FRMD3: variants seen among roughly 807,000 people sequenced by gnomAD.
FRMD3 encodes FERM domain-containing protein 3.
Under a neutral mutation model 70.2 loss-of-function variants are expected in FRMD3, and 33 were observed. The observed-to-expected ratio is 0.47, with a 90% CI of 0.36 to 0.63. The LOEUF (loss-of-function observed/expected upper bound fraction) is 0.63, where lower values mean the gene tolerates loss of function less well. FRMD3 is among the 20% of genes least tolerant of loss of function. FRMD3 has a pLI of 0.00. For missense variants in FRMD3, 632 were observed against 711.4 expected, an observed-to-expected ratio of 0.89 and a Z score of 1.27; for synonymous variants, 279 against 255.9, an observed-to-expected ratio of 1.09 and a Z score of -0.86.
chr9:83,567,396 T>C, the FRMD3 span, among the ~76,000 whole-genome samples: 3 of 152,208 alleles, frequency 2.0e-5, no homozygotes, highest in Non-Finnish European at 4.4e-5. Context: ...TTCTCTGACA[T>C]GGCCCAAAGA....
intron 1 of FRMD3, among the ~76,000 whole-genome samples, chr9:83,438,937 A>G (rs1472391156): frequency 6.6e-6 from 1 of 152,212 alleles, no homozygotes; most frequent in Non-Finnish European, 1.5e-5. Context: ...CTCCAGAGAA[A>G]GAAAACCCTT....
In FRMD3 at chr9:83,368,800, T is replaced by C. The variant is rs558688600; in HGVS notation, c.295+4113A>G. The stretch of plus-strand genomic sequence containing the variant: ...AATGGCTAAAAGCTCCTTGACTAGA[T>C]ATTTATCACCAAGGAAATTTAAAAT... On this transcript the variant is annotated intron_variant, in intron 3 of 13. Transcript: ENST00000304195. Among the ~76,000 whole-genome samples the C allele has an allele frequency of 9.2e-5, 14 of 152,320 alleles. No individual in the cohort carries two copies. The South Asian group carries it at 2.1e-3, about 23-fold the overall frequency.
chr9:83,409,098 G>A (rs1241327915), intron 1 of FRMD3, among the ~76,000 whole-genome samples: 2 of 152,254 alleles, frequency 1.3e-5, no homozygotes, highest in East Asian at 1.9e-4. Context: ...GGAAAGCAAA[G>A]GTTGTCCATC....
chr9:83,261,333 C>G (rs936586520), intron 13 of FRMD3, among the ~76,000 whole-genome samples: 4 of 152,160 alleles, frequency 2.6e-5, no homozygotes, highest in African/African-American at 9.7e-5. Flanking sequence ...CATTTGCCAG[C>G]CTCTTGGTTA....
Position 83,538,045 on chromosome 9 carries a change from C to T in FRMD3, c.147+40G>A, listed in dbSNP as rs1462708801. ...ACCGCAAAGGCCCCCCGCCCTGCTC[C>T]CGGCGTGTGCCCCGCGCCCTCGCCC... On this transcript the variant is annotated intron_variant, in intron 1 of 13. Transcript: ENST00000304195. This position sits in a 1 kb window ranked among gnomAD's most constrained non-coding sequence, Gnocchi z 4.7. The T allele has an allele frequency of 8.1e-6, 13 of 1,601,292 alleles. No homozygotes were observed. The Admixed American group carries it at 1.9e-4, about 23-fold the overall frequency.
At chr9:83,317,459 C>T (rs1020363367) in intron 6 of FRMD3, among the ~76,000 whole-genome samples, 8 of 152,168 alleles carry the variant, frequency 5.3e-5, no homozygotes, top group African/African-American at 1.9e-4. Context: ...GAAAGGCCCT[C>T]ATTCTACCAC....
At chr9:83,566,309 G>A in the FRMD3 span, among the ~76,000 whole-genome samples, 4 of 152,126 alleles carry the variant, frequency 2.6e-5, no homozygotes, top group African/African-American at 9.7e-5. Context: ...AATGCCCATG[G>A]TTCAATTACC....
the FRMD3 span, among the ~76,000 whole-genome samples, chr9:83,575,808 A>G: frequency 6.6e-6 from 1 of 152,194 alleles, no homozygotes; most frequent in Non-Finnish European, 1.5e-5. Flanking sequence ...TTCGTTGATG[A>G]ATTCCTTCAA....
chr9:83,359,858 C>A (rs933465091), intron 3 of FRMD3, among the ~76,000 whole-genome samples: 1 of 152,178 alleles, frequency 6.6e-6, no homozygotes, highest in African/African-American at 2.4e-5. Flanking sequence ...GACATGAGTT[C>A]ATGACTGCAA....
intron 6 of FRMD3, among the ~76,000 whole-genome samples, chr9:83,321,085 A>C (rs1486608749): frequency 6.6e-6 from 1 of 152,034 alleles, no homozygotes; most frequent in African/African-American, 2.4e-5. Context: ...TTTCTTGGTT[A>C]GTCTAGATAA....
chr9:83,295,766 C>T (rs1332610136), intron 12 of FRMD3, among the ~76,000 whole-genome samples: 1 of 152,152 alleles, frequency 6.6e-6, no homozygotes, highest in Non-Finnish European at 1.5e-5. Context: ...CACAACCAGC[C>T]CTCGGCTCAC....
intron 1 of FRMD3, among the ~76,000 whole-genome samples, chr9:83,404,321 C>T (rs1406084102): frequency 1.3e-5 from 2 of 152,112 alleles, no homozygotes; most frequent in South Asian, 2.1e-4. Context: ...GAATTTTAAT[C>T]GCCATTATCA....
the FRMD3 span, among the ~76,000 whole-genome samples, chr9:83,573,089 C>T: frequency 7.9e-5 from 12 of 152,164 alleles, no homozygotes; most frequent in East Asian, 2.3e-3. Flanking sequence ...GAGTTTTATT[C>T]ATGTAGTGGT....
chr9:83,537,878 G>A lies in FRMD3; in HGVS notation c.147+207C>T, dbSNP rs1176719060. Among the ~76,000 whole-genome samples, 1 of 151,622 alleles carries A rather than the reference G, an allele frequency of 6.6e-6. No individual in the cohort carries two copies. Among genetic ancestry groups the A allele is most frequent in the Non-Finnish European group, 1.5e-5 (1 of 67,884 alleles). On this transcript the variant is annotated intron_variant, in intron 1 of 13. Transcript: ENST00000304195. This position sits in a 1 kb window ranked among gnomAD's most constrained non-coding sequence, Gnocchi z 4.1. Reference sequence around the variant, plus strand: ...GGGAAGGAGACTGGGCGCGGATAACGCGTGCCTGGCGCTTGCAGGGCACCA... The same window carrying A: ...GGGAAGGAGACTGGGCGCGGATAACACGTGCCTGGCGCTTGCAGGGCACCA...
At chr9:83,293,655 C>G in intron 12 of FRMD3, among the ~76,000 whole-genome samples, 1 of 152,312 alleles carries the variant, frequency 6.6e-6, no homozygotes, top group East Asian at 1.9e-4. Context: ...AGGCTGATAT[C>G]CCAGGTATGA....
intron 1 of FRMD3, among the ~76,000 whole-genome samples, chr9:83,514,703 T>C (rs1408281874): frequency 6.6e-6 from 1 of 152,162 alleles, no homozygotes; most frequent in Non-Finnish European, 1.5e-5. Flanking sequence ...AGACATCCCA[T>C]ACAGGAGCGC....
chr9:83,277,417 T>C (rs1025542091), intron 13 of FRMD3, among the ~76,000 whole-genome samples: 1 of 152,204 alleles, frequency 6.6e-6, no homozygotes, highest in Admixed American at 6.5e-5. Flanking sequence ...CAGGCTGAAG[T>C]GTAATGGTAT....
At chr9:83,305,347 T>C (rs1173196427) in intron 10 of FRMD3, among the ~76,000 whole-genome samples, 2 of 152,350 alleles carry the variant, frequency 1.3e-5, no homozygotes, top group Non-Finnish European at 2.9e-5. Flanking sequence ...CAGCAGCTTC[T>C]GCTCATCAAT....
intron 3 of FRMD3, among the ~76,000 whole-genome samples, chr9:83,352,973 C>G (rs1824212262): frequency 6.6e-6 from 1 of 152,132 alleles, no homozygotes; most frequent in South Asian, 2.1e-4. Flanking sequence ...ACAAGGTGCT[C>G]AAGATATGCT....
Sources: allele counts gnomAD v4.1 joint callset (sites outside exome capture counted in the v4.1 genomes callset), GRCh38; gene constraint gnomAD v4.1.1; non-coding constraint Gnocchi (gnomAD v3.1); transcripts MANE v1.5; gene names NCBI Gene and HGNC (gene_info 2026-07-23, HGNC 2026-07-21).